DCDC1: variants seen among roughly 807,000 people sequenced by gnomAD.
DCDC1 encodes doublecortin domain-containing protein 1.
Under a neutral mutation model 178.3 loss-of-function variants are expected in DCDC1, and 200 were observed. The observed-to-expected ratio is 1.12, with a 90% confidence interval of 1.00 to 1.26. The LOEUF (loss-of-function observed/expected upper bound fraction) is 1.26. Ranked by LOEUF, DCDC1 falls within the 50% of genes most tolerant of loss-of-function variation. The pLI, the probability that DCDC1 is intolerant of heterozygous loss-of-function variation, is 0.00. For missense variants in DCDC1, 1,983 were observed against 1,749.2 expected, an observed-to-expected ratio of 1.13 and a Z score of -2.38; for synonymous variants, 690 against 604.8, an observed-to-expected ratio of 1.14 and a Z score of -2.07.
chr11:30,998,262 A>C (rs1020991085), intron 20 of DCDC1, among the ~76,000 whole-genome samples: 1 of 152,176 alleles, frequency 6.6e-6, no homozygotes, highest in Non-Finnish European at 1.5e-5. Context: ...ACTGCACTCC[A>C]GCCTGGGCAA....
chr11:30,888,733 AAAAAC>A (rs573976366), intron 36 of DCDC1, among the ~76,000 whole-genome samples: 4 of 152,204 alleles, frequency 2.6e-5, no homozygotes, highest in African/African-American at 9.6e-5. Flanking sequence ...GAAACAAACA[AAAAAC>A]AAAACAAAAC....
intron 20 of DCDC1, among the ~76,000 whole-genome samples, chr11:31,017,415 C>T (rs1482174367): frequency 1.3e-5 from 2 of 152,132 alleles, no homozygotes; most frequent in South Asian, 2.1e-4. Flanking sequence ...TTTTCTTTAG[C>T]TTATTTTATT....
chr11:31,225,386 G>A (rs1396655993), intron 9 of DCDC1, among the ~76,000 whole-genome samples: 1 of 151,324 alleles, frequency 6.6e-6, no homozygotes, highest in African/African-American at 2.4e-5. Flanking sequence ...TTGGGGGGGA[G>A]TGAAGGTTAA....
At position 30,873,063 on chromosome 11, in the gene DCDC1, GTC is replaced by G. The variant is rs751867014; in HGVS notation, c.*40+5479_*40+5480del. ...GCATATACCATGTATATACAAGCTG[GTC>G]TCTCTCTCTCTCTGTCTCTCTCTCT... On this transcript the variant is annotated intron_variant, in intron 38 of 38. Coordinates refer to ENST00000684477, the MANE Select transcript of DCDC1 (RefSeq NM_001387274.1). 4.1e-4 allele frequency among the ~76,000 whole-genome samples: 60 copies of G among 146,952 alleles called. No individual in the cohort carries two copies. In the South Asian group the frequency reaches 5.4e-3, roughly 13 times the overall value.
At chr11:31,162,864 G>A (rs1437304045) in intron 9 of DCDC1, among the ~76,000 whole-genome samples, 1 of 152,114 alleles carries the variant, frequency 6.6e-6, no homozygotes, top group Non-Finnish European at 1.5e-5. Context: ...ACATGTTTAA[G>A]GCAATCATAA....
chr11:31,313,524 T>C (rs1948886671), intron 3 of DCDC1, among the ~76,000 whole-genome samples: 2 of 152,168 alleles, frequency 1.3e-5, no homozygotes, highest in South Asian at 4.1e-4. Flanking sequence ...CCTGTGCTTC[T>C]TGAGAACTAT....
At chr11:31,292,475 A>T (rs941548742) in intron 6 of DCDC1, among the ~76,000 whole-genome samples, 5 of 152,146 alleles carry the variant, frequency 3.3e-5, no homozygotes, top group African/African-American at 9.6e-5. Flanking sequence ...AAAATGGACA[A>T]ACCTCAAAAA....
chr11:30,916,765 A>T, intron 26 of DCDC1, 105 bp downstream of exon 26: 1 of 1,219,050 alleles, frequency 8.2e-7, no homozygotes, highest in African/African-American at 1.5e-5. Flanking sequence ...GTTGATAGAA[A>T]CAGCAGCTAA....
intron 3 of DCDC1, among the ~76,000 whole-genome samples, chr11:31,310,785 G>C (rs1267456391): frequency 6.6e-6 from 1 of 152,192 alleles, no homozygotes; most frequent in East Asian, 1.9e-4. Flanking sequence ...AGGGTGTTAG[G>C]TTCCTTCAGC....
At chr11:31,161,383 A>G (rs1161737581) in intron 9 of DCDC1, among the ~76,000 whole-genome samples, 1 of 152,162 alleles carries the variant, frequency 6.6e-6, no homozygotes, top group Non-Finnish European at 1.5e-5. Context: ...AGAGCTAAGT[A>G]CTTCTCAGGC....
chr11:31,315,479 G>A lies in DCDC1; in HGVS notation c.165-7571C>T, dbSNP rs183975418. 1.1e-4 allele frequency among the ~76,000 whole-genome samples: 16 copies of A among 151,246 alleles called. 1 individual carries two copies. The Middle Eastern group carries it at 0.017, about 161-fold the overall frequency. ...AGCCTCCCGAGTAGCTGAGACTACA[G>A]GTGCACGCTGCCATGCCCGGCTAAT... On this transcript the variant is annotated intron_variant, in intron 3 of 38. Coordinates refer to ENST00000684477, the MANE Select transcript of DCDC1 (RefSeq NM_001387274.1).
chr11:31,266,298 A>AT (rs1244341495), intron 7 of DCDC1, among the ~76,000 whole-genome samples: 2 of 152,136 alleles, frequency 1.3e-5, no homozygotes, highest in African/African-American at 4.8e-5. Context: ...GTTATTTTAC[A>AT]TGCAACCCTT....
rs552361787 is a variant in DCDC1, at chr11:31,103,972, T to C, written c.1752-203A>G. Among the ~76,000 whole-genome samples, 6 of 152,300 alleles carry C rather than the reference T, an allele frequency of 3.9e-5. No homozygotes were observed. In the South Asian group the frequency reaches 8.3e-4, roughly 21 times the overall value. On this transcript the variant is annotated intron_variant, in intron 13 of 38. Transcript: ENST00000684477. Reference sequence around the variant, plus strand: ...CAGTTTATTTAGCTGATCTATAATATGCCAAAATAGTTTCAACATATGTAA... The same window carrying C: ...CAGTTTATTTAGCTGATCTATAATACGCCAAAATAGTTTCAACATATGTAA...
At chr11:31,131,361 T>C (rs1962419088) in intron 10 of DCDC1, among the ~76,000 whole-genome samples, 1 of 152,168 alleles carries the variant, frequency 6.6e-6, no homozygotes, top group Non-Finnish European at 1.5e-5. Flanking sequence ...CAAGTTTCTC[T>C]CGTTATCCTC....
intron 8 of DCDC1, among the ~76,000 whole-genome samples, chr11:31,250,421 C>CATATATATATATATATATATACATAT: frequency 2.5e-4 from 13 of 52,934 alleles, no homozygotes; most frequent in South Asian, 1.7e-3. Flanking sequence ...CACACATATA[C>CATATATATATATATATATATACATAT]ATATATATGT....
chr11:31,217,814 A>C (rs1290542735), intron 9 of DCDC1, among the ~76,000 whole-genome samples: 1 of 152,182 alleles, frequency 6.6e-6, no homozygotes, highest in Non-Finnish European at 1.5e-5. Flanking sequence ...CTAAAGTAAT[A>C]TCTCTTCATT....
intron 10 of DCDC1, among the ~76,000 whole-genome samples, chr11:31,136,774 T>C (rs916005566): frequency 2.6e-5 from 4 of 152,156 alleles, no homozygotes; most frequent in African/African-American, 9.6e-5. Flanking sequence ...TTTTCCCCTT[T>C]TGTCTAACAC....
chr11:31,186,382 G>A (rs897502400), intron 9 of DCDC1, among the ~76,000 whole-genome samples: 2 of 152,298 alleles, frequency 1.3e-5, no homozygotes, highest in African/African-American at 4.8e-5. Context: ...TCCTCGCAGA[G>A]GGCCTCCTTG....
At chr11:30,984,254 G>T (rs576134703) in intron 20 of DCDC1, among the ~76,000 whole-genome samples, 2 of 151,976 alleles carry the variant, frequency 1.3e-5, no homozygotes, top group East Asian at 3.9e-4. Context: ...TGTGTGTTTG[G>T]GCACGTGTGT....
Sources: allele counts gnomAD v4.1 joint callset (sites outside exome capture counted in the v4.1 genomes callset), GRCh38; gene constraint gnomAD v4.1.1; transcripts MANE v1.5; gene names NCBI Gene and HGNC (gene_info 2026-07-23, HGNC 2026-07-21).